Variants in SLC1A2 observed in about 807,000 individuals in gnomAD.
SLC1A2 encodes the protein solute carrier family 1 member 2, also known as excitatory amino acid transporter 2.
SLC1A2 carries 15 observed loss-of-function variants against 48.8 expected under a neutral mutation model. The ratio of observed to expected loss-of-function variants is 0.31; its 90% confidence interval spans 0.21 to 0.47. The LOEUF (loss-of-function observed/expected upper bound fraction) is 0.47, where lower values mean the gene tolerates loss of function less well. Among genes scored for constraint, SLC1A2 ranks in the 20% least tolerant of loss-of-function variants. SLC1A2 has a pLI of 0.99. For missense variants in SLC1A2, 502 were observed against 730.5 expected (o/e 0.69, Z 3.61); for synonymous variants, 279 against 272.6 (o/e 1.02, Z -0.23).
chr11:35,281,237 C>G (rs552044773), intron 8 of SLC1A2, among the ~76,000 whole-genome samples: 1 of 152,286 alleles, frequency 6.6e-6, no homozygotes, highest in East Asian at 1.9e-4. Context: ...TGGACTGGAG[C>G]CTTATTCCCA....
Position 35,258,943 on chromosome 11 carries a change from TAAAA to T in SLC1A2, c.*1947_*1950del, listed in dbSNP as rs72148859. On this transcript the variant is annotated 3_prime_UTR_variant, in exon 11 of 11. Transcript: ENST00000278379. ...CTGAGCAACAGAGCAAGACTCTGTC[TAAAA>T]AAAAAAAAAAAAAAAGAATGCATTT... 3.3e-5 allele frequency: 4 copies of T among 120,836 alleles called. No homozygotes were observed. Among genetic ancestry groups the T allele is most frequent in the Non-Finnish European group, 3.6e-5 (2 of 56,202 alleles). 7.5% of individuals were successfully genotyped at this position (120,836 alleles called of 1,614,324 possible).
chr11:35,274,307 A>T (rs933184123), intron 9 of SLC1A2, among the ~76,000 whole-genome samples: 20 of 152,178 alleles, frequency 1.3e-4, no homozygotes. Flanking sequence ...TCCCGCCTTG[A>T]TCTGCAATTA....
chr11:35,346,669 A>T (rs1023003821), intron 1 of SLC1A2, among the ~76,000 whole-genome samples: 1 of 152,260 alleles, frequency 6.6e-6, no homozygotes, highest in African/African-American at 2.4e-5. Flanking sequence ...TTGTTGAGTG[A>T]CTCAAAGCGT....
intron 1 of SLC1A2, among the ~76,000 whole-genome samples, chr11:35,342,931 A>G (rs1049130136): frequency 2.0e-5 from 3 of 152,260 alleles, no homozygotes; most frequent in African/African-American, 7.2e-5. Flanking sequence ...GTCAGAAAAT[A>G]CTAGCCCCAA....
chr11:35,387,737 G>T (rs1402435719), intron 1 of SLC1A2, among the ~76,000 whole-genome samples: 1 of 152,002 alleles, frequency 6.6e-6, no homozygotes, highest in East Asian at 1.9e-4. Flanking sequence ...AAGCCATTAA[G>T]CATCAGGACC....
At chr11:35,305,189 A>G (rs1851466883) in intron 5 of SLC1A2, among the ~76,000 whole-genome samples, 1 of 152,218 alleles carries the variant, frequency 6.6e-6, no homozygotes, top group Non-Finnish European at 1.5e-5. Context: ...CAAACTGGGC[A>G]GACTAGAGCC....
rs1440819140 is a variant in SLC1A2 at position 35,256,404 on chromosome 11, T to A, written c.*4490A>T. On this transcript the variant is annotated 3_prime_UTR_variant, in exon 11 of 11. Transcript: ENST00000278379. ...AAGAGGTGGAGTAGAAAATTTGGTT[T>A]TCTTTTAGGGAAAATCATAAGAAAA... 1 of 152,544 alleles carries A rather than the reference T, an allele frequency of 6.6e-6. No homozygotes were observed. Among genetic ancestry groups the A allele is most frequent in the Admixed American group, 6.5e-5 (1 of 15,282 alleles). 9.4% of individuals were successfully genotyped at this position (152,544 alleles called of 1,614,324 possible). A position where few individuals can be genotyped will look rare whatever the true frequency, so the allele number is the denominator to read the frequency against.
chr11:35,307,569 T>C (rs1351434255), intron 4 of SLC1A2, among the ~76,000 whole-genome samples: 2 of 152,234 alleles, frequency 1.3e-5, no homozygotes, highest in Admixed American at 6.5e-5. Flanking sequence ...TTGTCAGTGC[T>C]GGCATGTAGT....
At chr11:35,268,082 C>T (rs777920104) in intron 9 of SLC1A2, among the ~76,000 whole-genome samples, 2 of 152,212 alleles carry the variant, frequency 1.3e-5, no homozygotes, top group Non-Finnish European at 2.9e-5. Flanking sequence ...AGGCTACAGA[C>T]TGTTTCTGTG....
At chr11:35,297,704 A>C (rs928489812) in intron 6 of SLC1A2, 3 of 152,206 alleles carry the variant, frequency 2.0e-5, no homozygotes, top group Non-Finnish European at 2.9e-5. Flanking sequence ...TCATACAAAA[A>C]TTAAGGGGTT....
intron 1 of SLC1A2, among the ~76,000 whole-genome samples, chr11:35,374,866 G>A (rs1215969782): frequency 6.6e-6 from 1 of 152,118 alleles, no homozygotes; most frequent in African/African-American, 2.4e-5. Context: ...AAATGTGTAA[G>A]GTGATACACA....
intron 9 of SLC1A2, among the ~76,000 whole-genome samples, chr11:35,271,259 A>G (rs371031871): frequency 3.9e-4 from 59 of 152,326 alleles, no homozygotes; most frequent in Non-Finnish European, 2.8e-4. Context: ...TTATGAGCAG[A>G]TGCCCCACAG....
chr11:35,267,320 C>G (rs1850122869), intron 9 of SLC1A2, among the ~76,000 whole-genome samples: 1 of 152,110 alleles, frequency 6.6e-6, no homozygotes. Flanking sequence ...CATTTGAGAG[C>G]CTTAGTTGCC....
intron 1 of SLC1A2, among the ~76,000 whole-genome samples, chr11:35,412,714 C>T (rs1302594488): frequency 3.3e-5 from 5 of 152,230 alleles, no homozygotes; most frequent in Non-Finnish European, 2.9e-5. Flanking sequence ...TAAACAGCCA[C>T]ACCTGAAGGC....
chr11:35,279,555 G>A (rs1321106921), intron 9 of SLC1A2, among the ~76,000 whole-genome samples: 1 of 152,160 alleles, frequency 6.6e-6, no homozygotes, highest in Admixed American at 6.5e-5. Flanking sequence ...TGACTGGAAT[G>A]TCCTGTCTCC....
chr11:35,326,487 C>T (rs565468801), intron 1 of SLC1A2, among the ~76,000 whole-genome samples: 1 of 152,334 alleles, frequency 6.6e-6, no homozygotes, highest in African/African-American at 2.4e-5. Flanking sequence ...GCTGCAGCGC[C>T]TTCAGGCACT....
rs566981617 is a variant in SLC1A2, at chr11:35,292,754, C to T, written c.858-234G>A. On this transcript the variant is annotated intron_variant, in intron 6 of 10. Coordinates refer to ENST00000278379, the MANE Select transcript of SLC1A2 (RefSeq NM_004171.4). ...AAAAGTCCAAAGGCAAATTTTGTGGCTAAGGTGAGTTCTAGGAATAAAGGA... is the reference window on the plus strand; with the variant it reads ...AAAAGTCCAAAGGCAAATTTTGTGGTTAAGGTGAGTTCTAGGAATAAAGGA... Among the ~76,000 whole-genome samples the T allele has an allele frequency of 2.6e-5, 4 of 152,168 alleles. No homozygotes were observed. In the South Asian group the frequency reaches 6.2e-4, roughly 24 times the overall value.
intron 5 of SLC1A2, among the ~76,000 whole-genome samples, chr11:35,305,433 G>A (rs1237714963): frequency 6.6e-6 from 1 of 152,132 alleles, no homozygotes; most frequent in East Asian, 1.9e-4. Context: ...CTTGCCCAGG[G>A]TCAGATAACC....
chr11:35,408,861 A>G (rs958032808), intron 1 of SLC1A2, among the ~76,000 whole-genome samples: 2 of 152,244 alleles, frequency 1.3e-5, no homozygotes, highest in African/African-American at 4.8e-5. Flanking sequence ...GGAAATATGC[A>G]TAATATCGAT....
Sources: allele counts gnomAD v4.1 joint callset (sites outside exome capture counted in the v4.1 genomes callset), GRCh38; gene constraint gnomAD v4.1.1; transcripts MANE v1.5; gene names NCBI Gene and HGNC (gene_info 2026-07-23, HGNC 2026-07-21).